Variants in CXADR observed in about 807,000 individuals in gnomAD.
CXADR encodes the protein coxsackievirus and adenovirus receptor.
In CXADR, 20 loss-of-function variants were observed where a neutral mutation model predicts 40.3. That is an observed-to-expected ratio of 0.50 (90% CI 0.35 to 0.72). The LOEUF is 0.72. CXADR is among the 30% of genes least tolerant of loss of function. The pLI, the probability that CXADR is intolerant of heterozygous loss-of-function variation, is 0.01. For synonymous variants in CXADR, 150 were observed against 161.3 expected (o/e 0.93, Z 0.53); for missense variants, 332 against 449.1 (o/e 0.74, Z 2.36).
At chr21:17,602,785 T>C in the CXADR span, among the ~76,000 whole-genome samples, 1 of 152,210 alleles carries the variant, frequency 6.6e-6, no homozygotes, top group South Asian at 2.1e-4. Context: ...TGAAGTAGAA[T>C]GTCCGTATAA....
chr21:17,589,770 C>T (rs959848769), intron 7 of CXADR, among the ~76,000 whole-genome samples: 4 of 152,032 alleles, frequency 2.6e-5, no homozygotes, highest in Non-Finnish European at 5.9e-5. Flanking sequence ...CGTTTGAGTA[C>T]TTCTGTAGAT....
At chr21:17,549,995 A>C (rs764855121) in intron 2 of CXADR, among the ~76,000 whole-genome samples, 42 of 152,354 alleles carry the variant, frequency 2.8e-4, no homozygotes, top group Middle Eastern at 3.4e-3. Context: ...TGGACCCGTC[A>C]ACTACTTCTT....
At position 17,567,855 on chromosome 21, in the gene CXADR, T is replaced by C; in HGVS notation, c.*2163T>C. ...ATAGAAAGTGGACACGTATAAGACTTTCCTTCCTTTTTTTTTTTAATAACA... is the reference window on the plus strand; with the variant it reads ...ATAGAAAGTGGACACGTATAAGACTCTCCTTCCTTTTTTTTTTTAATAACA... On this transcript the variant is annotated 3_prime_UTR_variant, in exon 7 of 7. Coordinates refer to ENST00000284878, the MANE Select transcript of CXADR (RefSeq NM_001338.5). The C allele has an allele frequency of 1.1e-6, 1 of 932,896 alleles. No individual in the cohort carries two copies. The highest frequency in any genetic ancestry group is 1.3e-6 in the Non-Finnish European group (1 of 793,366). 57.8% of individuals were successfully genotyped at this position (932,896 alleles called of 1,614,324 possible).
At chr21:17,597,492 A>G (rs1601083830), downstream of CXADR, among the ~76,000 whole-genome samples, 2 of 151,734 alleles carry the variant, frequency 1.3e-5, no homozygotes, top group East Asian at 3.9e-4. Flanking sequence ...GAAGGATACT[A>G]AAAAAAAGAA....
At chr21:17,628,472 A>T in the CXADR span, among the ~76,000 whole-genome samples, 1 of 151,104 alleles carries the variant, frequency 6.6e-6, no homozygotes, top group Non-Finnish European at 1.5e-5. Context: ...TTTCAGATGG[A>T]GTCTGAAGGC....
Position 17,567,755 on chromosome 21 carries a change from A to G in CXADR, c.*2063A>G, listed in dbSNP as rs985077824. ...ATAAGTAAATAAACAGAACATTAAT[A>G]ATAAAGTTTTGGTTCTTCCTATTCC... is the stretch of plus-strand genomic sequence containing the variant. On this transcript the variant is annotated 3_prime_UTR_variant, in exon 7 of 7. Transcript: ENST00000284878. 1.2e-6 allele frequency: 1 copy of G among 852,360 alleles called. No individual in the cohort carries two copies. Among genetic ancestry groups the G allele is most frequent in the African/African-American group, 1.8e-5 (1 of 55,042 alleles). The allele number at this position is 852,360 out of a possible 1,614,324, so 52.8% of individuals were successfully genotyped here. A position where few individuals can be genotyped will look rare whatever the true frequency, so the allele number is the denominator to read the frequency against.
At chr21:17,602,789 C>T in the CXADR span, among the ~76,000 whole-genome samples, 299 of 152,192 alleles carry the variant, frequency 2.0e-3, no homozygotes, top group African/African-American at 6.4e-3. Context: ...GTAGAATGTC[C>T]GTATAACTAA....
At chr21:17,554,244 A>G (rs1474790498) in intron 3 of CXADR, among the ~76,000 whole-genome samples, 1 of 151,110 alleles carries the variant, frequency 6.6e-6, no homozygotes, top group African/African-American at 2.4e-5. Flanking sequence ...AACTGAAGAG[A>G]ACATTACAGC....
intron 1 of CXADR, chr21:17,527,285 A>G (rs148535192): frequency 2.6e-5 from 4 of 152,236 alleles, no homozygotes; most frequent in South Asian, 2.1e-4. Context: ...TGGAATTTGA[A>G]CGCTCCCCCA....
chr21:17,572,285 G>A (rs1201676795), downstream of CXADR, among the ~76,000 whole-genome samples: 1 of 150,654 alleles, frequency 6.6e-6, no homozygotes, highest in African/African-American at 2.4e-5. Context: ...TGGGATGATT[G>A]CTTGAACCTG....
At chr21:17,576,087 C>CAAAAAA (rs35462120) in intron 7 of CXADR, among the ~76,000 whole-genome samples, 1 of 121,662 alleles carries the variant, frequency 8.2e-6, no homozygotes, top group Non-Finnish European at 1.7e-5. Context: ...GACTCCATCT[C>CAAAAAA]AAAAAAAAAA....
chr21:17,587,378 C>T (rs1213689519), intron 7 of CXADR, among the ~76,000 whole-genome samples: 2 of 152,154 alleles, frequency 1.3e-5, no homozygotes, highest in African/African-American at 4.8e-5. Flanking sequence ...GTTCCTATTT[C>T]TCCACATCCT....
At chr21:17,548,259 T>C (rs191694032) in intron 2 of CXADR, among the ~76,000 whole-genome samples, 92 of 152,282 alleles carry the variant, frequency 6.0e-4, no homozygotes, top group African/African-American at 2.0e-3. Flanking sequence ...GTAATTAATA[T>C]TTTTGGCAAA....
At chr21:17,619,755 C>G in the CXADR span, among the ~76,000 whole-genome samples, 4 of 127,312 alleles carry the variant, frequency 3.1e-5, no homozygotes, top group Non-Finnish European at 5.3e-5. Flanking sequence ...CACCTTCAAC[C>G]ATGTTCTTAG....
chr21:17,522,159 T>A (rs1486696058), intron 1 of CXADR, among the ~76,000 whole-genome samples: 4 of 152,000 alleles, frequency 2.6e-5, no homozygotes, highest in Non-Finnish European at 5.9e-5. Context: ...TCTTCCTTTT[T>A]TTTTTGGAGA....
At chr21:17,528,447 C>T (rs913103404) in intron 1 of CXADR, among the ~76,000 whole-genome samples, 2 of 151,656 alleles carry the variant, frequency 1.3e-5, no homozygotes, top group Non-Finnish European at 2.9e-5. Context: ...CGCTCGTTAC[C>T]CAGGCTGGAG....
Position 17,563,940 on chromosome 21 carries a change from C to CAAAAAAAAAAAAAAAAAAAAAAAAA in CXADR, c.834-1467_834-1466insAAAAAAAAAAAAAAAAAAAAAAAAA, listed in dbSNP as rs35020228. Among the ~76,000 whole-genome samples the CAAAAAAAAAAAAAAAAAAAAAAAAA allele has an allele frequency of 1.7e-3, 64 of 37,194 alleles. 3 individuals carry two copies. The highest frequency in any genetic ancestry group is 3.1e-3 in the Non-Finnish European group (54 of 17,676). The allele number at this position is 37,194 out of a possible 152,430, so 24.4% of individuals were successfully genotyped here. ...TGGGCAACAGAGCAAGACTCTGTCTCAAAAAAAAAAAAAAAAAAAAAGGTA... is the reference window on the plus strand; with the variant it reads ...TGGGCAACAGAGCAAGACTCTGTCTCAAAAAAAAAAAAAAAAAAAAAAAAAAAAAAAAAAAAAAAAAAAAAAGGTA... On this transcript the variant is annotated intron_variant, in intron 6 of 6. Coordinates refer to ENST00000284878, the MANE Select transcript of CXADR (RefSeq NM_001338.5).
chr21:17,564,411 T>A (rs987324401), intron 6 of CXADR, among the ~76,000 whole-genome samples: 1 of 152,086 alleles, frequency 6.6e-6, no homozygotes, highest in Non-Finnish European at 1.5e-5. Context: ...AGATTACTTA[T>A]AATACCTAAT....
the CXADR span, chr21:17,612,916 A>C: frequency 2.0e-5 from 3 of 151,874 alleles, no homozygotes; most frequent in African/African-American, 7.3e-5. Context: ...GCAGCCCCAA[A>C]GCGGCGCGCA....
Sources: allele counts gnomAD v4.1 joint callset (sites outside exome capture counted in the v4.1 genomes callset), GRCh38; gene constraint gnomAD v4.1.1; transcripts MANE v1.5; gene names NCBI Gene and HGNC (gene_info 2026-07-23, HGNC 2026-07-21).